Variants in CA10 observed in about 807,000 individuals in gnomAD.
CA10 encodes the protein carbonic anhydrase-related protein 10.
CA10 carries 14 observed loss-of-function variants against 44.2 expected under a neutral mutation model. The ratio of observed to expected loss-of-function variants is 0.32; its 90% CI spans 0.21 to 0.50. The LOEUF (loss-of-function observed/expected upper bound fraction) is 0.50, where lower values mean the gene tolerates loss of function less well. Among genes scored for constraint, CA10 ranks in the 20% least tolerant of loss-of-function variants. CA10 has a pLI of 0.99. For synonymous variants in CA10, 159 were observed against 141.6 expected (o/e 1.12, Z -0.87); for missense variants, 350 against 409.7 (o/e 0.85, Z 1.26).
chr17:51,916,566 C>T (rs185821203), intron 3 of CA10, among the ~76,000 whole-genome samples: 5 of 152,202 alleles, frequency 3.3e-5, no homozygotes, highest in Non-Finnish European at 7.4e-5. Flanking sequence ...TGTCTGCTGC[C>T]GTGTGAGACA....
At chr17:51,798,666 GCATTGT>G (rs1164888007) in intron 3 of CA10, among the ~76,000 whole-genome samples, 2 of 152,202 alleles carry the variant, frequency 1.3e-5, no homozygotes, top group Non-Finnish European at 2.9e-5. Context: ...GTTTAAAGTT[GCATTGT>G]CACTAGTGGG....
At chr17:52,036,278 G>A (rs906136834) in intron 2 of CA10, among the ~76,000 whole-genome samples, 8 of 152,150 alleles carry the variant, frequency 5.3e-5, no homozygotes, top group East Asian at 1.9e-4. Flanking sequence ...GGCTTCATTC[G>A]AAATCTTGTT....
chr17:51,792,588 C>T (rs902089893), intron 3 of CA10, among the ~76,000 whole-genome samples: 2 of 152,142 alleles, frequency 1.3e-5, no homozygotes, highest in South Asian at 4.1e-4. Context: ...TCCTAGCATG[C>T]TGTTAATTGT....
intron 2 of CA10, among the ~76,000 whole-genome samples, chr17:52,053,451 C>T (rs570709574): frequency 2.6e-5 from 4 of 152,074 alleles, no homozygotes; most frequent in African/African-American, 7.2e-5. Context: ...AGTATACTTG[C>T]AAGAATTTAG....
intron 4 of CA10, among the ~76,000 whole-genome samples, chr17:51,686,229 T>G (rs1915006073): frequency 6.6e-6 from 1 of 152,204 alleles, no homozygotes; most frequent in African/African-American, 2.4e-5. Context: ...CTCATTCACC[T>G]GCCATGATTG....
At chr17:51,834,772 A>T (rs1256589549) in intron 3 of CA10, among the ~76,000 whole-genome samples, 1 of 152,210 alleles carries the variant, frequency 6.6e-6, no homozygotes, top group Non-Finnish European at 1.5e-5. Context: ...TCAACTGCTA[A>T]AAGGTGCCAA....
At chr17:51,900,025 G>T (rs1020771965) in intron 3 of CA10, among the ~76,000 whole-genome samples, 1 of 151,826 alleles carries the variant, frequency 6.6e-6, no homozygotes, top group Non-Finnish European at 1.5e-5. Flanking sequence ...GGAACATTTA[G>T]CCTGTTTACA....
chr17:51,649,972 TCCAGCCAGCCAGTCAGCCAG>T (rs1393981909), intron 5 of CA10, among the ~76,000 whole-genome samples: 2 of 119,532 alleles, frequency 1.7e-5, no homozygotes, highest in Non-Finnish European at 3.7e-5. Context: ...CATCCATCCA[TCCAGCCAGCCAGTCAGCCAG>T]CCAGCCAGCC....
At chr17:51,644,264 C>T (rs564886000) in intron 6 of CA10, among the ~76,000 whole-genome samples, 11 of 152,010 alleles carry the variant, frequency 7.2e-5, no homozygotes, top group African/African-American at 2.4e-4. Flanking sequence ...GTTGTGATTT[C>T]ACCCCGCTGC....
chr17:52,131,240 C>T (rs975339573), intron 1 of CA10, among the ~76,000 whole-genome samples: 4 of 152,166 alleles, frequency 2.6e-5, no homozygotes, highest in Non-Finnish European at 4.4e-5. Context: ...AAGGAGGCCT[C>T]ATACTTTATG....
At chr17:52,141,572 A>G (rs74437650) in intron 1 of CA10, among the ~76,000 whole-genome samples, 43 of 152,270 alleles carry the variant, frequency 2.8e-4, no homozygotes, top group Non-Finnish European at 6.0e-4. Context: ...TGTTGCAACT[A>G]CTCAATGCTG....
At chr17:51,791,672 G>A (rs115863482) in intron 3 of CA10, among the ~76,000 whole-genome samples, 2,040 of 152,268 alleles carry the variant, frequency 0.013, 58 homozygotes, top group African/African-American at 0.047. Context: ...TGTTCACTGT[G>A]GCGCCACCAA....
At chr17:52,001,842 T>C (rs1567915557) in intron 2 of CA10, among the ~76,000 whole-genome samples, 1 of 152,032 alleles carries the variant, frequency 6.6e-6, no homozygotes, top group African/African-American at 2.4e-5. Flanking sequence ...ACAGCATTTA[T>C]CTTCATGAAA....
intron 7 of CA10, among the ~76,000 whole-genome samples, chr17:51,635,601 G>T (rs1007164688): frequency 5.9e-5 from 9 of 152,142 alleles, no homozygotes; most frequent in African/African-American, 2.2e-4. Context: ...CAAACCACTA[G>T]AAGCTAGGGG....
intron 3 of CA10, among the ~76,000 whole-genome samples, chr17:51,813,070 CAG>C (rs1907433234): frequency 1.3e-5 from 2 of 152,230 alleles, no homozygotes; most frequent in Admixed American, 1.3e-4. Context: ...AGAAGAAGCA[CAG>C]AGTGAACAGA....
chr17:51,851,047 T>C (rs768967502), intron 3 of CA10, among the ~76,000 whole-genome samples: 8 of 152,218 alleles, frequency 5.3e-5, no homozygotes, highest in Non-Finnish European at 1.0e-4. Flanking sequence ...TGTGCTCACA[T>C]AGTAGCTTCT....
intron 3 of CA10, among the ~76,000 whole-genome samples, chr17:51,864,828 G>A (rs543398733): frequency 6.6e-6 from 1 of 152,288 alleles, no homozygotes; most frequent in African/African-American, 2.4e-5. Flanking sequence ...ATGTCAAACT[G>A]AGGCGTGCAG....
At chr17:51,670,786 A>G (rs1914387490) in intron 4 of CA10, among the ~76,000 whole-genome samples, 1 of 152,210 alleles carries the variant, frequency 6.6e-6, no homozygotes, top group African/African-American at 2.4e-5. Context: ...CCTTGCAAAA[A>G]TCGACGTATG....
chr17:52,063,992 C>T (rs934943027), intron 2 of CA10, among the ~76,000 whole-genome samples: 8 of 152,162 alleles, frequency 5.3e-5, no homozygotes, highest in Admixed American at 3.3e-4. Flanking sequence ...GTTCTTAATC[C>T]GTTGACTTTC....
Sources: allele counts gnomAD v4.1 joint callset (sites outside exome capture counted in the v4.1 genomes callset), GRCh38; gene constraint gnomAD v4.1.1; transcripts MANE v1.5; gene names NCBI Gene and HGNC (gene_info 2026-07-23, HGNC 2026-07-21).